KIF25: variants seen among roughly 807,000 people sequenced by gnomAD.
KIF25 encodes the protein kinesin-like protein KIF25.
In KIF25, 19 loss-of-function variants were observed where a neutral mutation model predicts 32.9. The ratio of observed to expected loss-of-function variants is 0.58; its 90% CI spans 0.40 to 0.85. KIF25 has a LOEUF of 0.85. Among genes scored for constraint, KIF25 ranks in the 40% least tolerant of loss-of-function variants. The pLI is 0.00. For missense variants in KIF25, 485 were observed against 507.0 expected, an observed-to-expected ratio of 0.96 and a Z score of 0.42; for synonymous variants, 225 against 213.7, an observed-to-expected ratio of 1.05 and a Z score of -0.46.
intron 5 of KIF25, among the ~76,000 whole-genome samples, chr6:168,018,288 A>G (rs1798743040): frequency 6.6e-6 from 1 of 152,226 alleles, no homozygotes; most frequent in Non-Finnish European, 1.5e-5. Flanking sequence ...TACAGTACTC[A>G]GTAAACTACG....
At chr6:168,042,771 G>T in intron 12 of KIF25, 55 bp downstream of exon 12, 2 of 1,560,520 alleles carry the variant, frequency 1.3e-6, no homozygotes, top group Non-Finnish European at 1.7e-6. Context: ...CCCAGGACAT[G>T]TGCACACACT....
At chr6:168,041,862 G>C in intron 10 of KIF25, 107 bp from the exon 11 acceptor site, 1 of 1,097,342 alleles carries the variant, frequency 9.1e-7, no homozygotes, top group South Asian at 1.5e-5. Context: ...GGGAGGTGTG[G>C]GCAGGAGGGT....
chr6:168,029,349 C>A, intron 5 of KIF25, 143 bp from the exon 6 acceptor site: 2 of 571,662 alleles, frequency 3.5e-6, no homozygotes, highest in Non-Finnish European at 5.8e-6. Flanking sequence ...ATTTCTAAAA[C>A]ACCAGCTGGA....
chr6:168,038,872 C>T, intron 9 of KIF25, 143 bp downstream of exon 9: 1 of 736,714 alleles, frequency 1.4e-6, no homozygotes, highest in Non-Finnish European at 2.2e-6. Flanking sequence ...GTGGCCCGAT[C>T]AGTGCTCCTT....
At chr6:168,009,509 C>G (rs1465942219) in intron 4 of KIF25, among the ~76,000 whole-genome samples, 1 of 152,166 alleles carries the variant, frequency 6.6e-6, no homozygotes, top group Non-Finnish European at 1.5e-5. Flanking sequence ...CTATGTTCAT[C>G]AGGAATGTTG....
intron 3 of KIF25, among the ~76,000 whole-genome samples, chr6:168,003,145 A>T (rs1374693238): frequency 6.6e-6 from 1 of 152,128 alleles, no homozygotes; most frequent in Non-Finnish European, 1.5e-5. Context: ...ACCGCTCTAA[A>T]CTGCGCATGA....
intron 8 of KIF25, among the ~76,000 whole-genome samples, chr6:168,036,907 C>G (rs1799032972): frequency 6.6e-6 from 1 of 152,086 alleles, no homozygotes; most frequent in African/African-American, 2.4e-5. Context: ...ACTAAAAATA[C>G]AAAAATTAGC....
intron 2 of KIF25, among the ~76,000 whole-genome samples, chr6:168,000,072 A>G (rs1447538769): frequency 1.1e-4 from 6 of 55,278 alleles, no homozygotes; most frequent in African/African-American, 1.5e-4. Context: ...ACCACACCTG[A>G]CCCTCCCACT....
At chr6:168,002,359 C>T (rs979949626) in intron 2 of KIF25, among the ~76,000 whole-genome samples, 184 bp from the exon 3 acceptor site, 4 of 152,116 alleles carry the variant, frequency 2.6e-5, no homozygotes, top group Admixed American at 2.6e-4. Context: ...GAGGCGTGGC[C>T]TTGGGCAGGT....
rs536285484 is a variant in KIF25, at chr6:168,037,873, G to A, written c.318-680G>A. On this transcript the variant is annotated intron_variant, in intron 8 of 12. Transcript: ENST00000643607. Reference sequence around the variant, plus strand: ...TGGGACTACAGGCATGCACCACCACGCCCAGCTAAGTTTTGTATTTTTGGT... The same window carrying A: ...TGGGACTACAGGCATGCACCACCACACCCAGCTAAGTTTTGTATTTTTGGT... 3.3e-5 allele frequency among the ~76,000 whole-genome samples: 5 copies of A among 152,136 alleles called. 1 individual carries two copies. Among genetic ancestry groups the A allele is most frequent in the East Asian group, 3.9e-4 (2 of 5,156 alleles).
chr6:168,041,204 T>A (rs1395077282), intron 10 of KIF25, among the ~76,000 whole-genome samples: 1 of 152,228 alleles, frequency 6.6e-6, no homozygotes. Context: ...TCCCCATCCT[T>A]CTTGCCACCG....
intron 4 of KIF25, among the ~76,000 whole-genome samples, chr6:168,004,845 A>G (rs982010332): frequency 6.6e-6 from 1 of 152,208 alleles, no homozygotes; most frequent in Non-Finnish European, 1.5e-5. Flanking sequence ...GAGGTGGTGC[A>G]GCAGGTGGGA....
chr6:168,034,552 C>A (rs1275586302), intron 8 of KIF25, among the ~76,000 whole-genome samples: 1 of 152,156 alleles, frequency 6.6e-6, no homozygotes, highest in African/African-American at 2.4e-5. Context: ...AGTCTCCCTG[C>A]CTGGCTAAGA....
intron 1 of KIF25, 71 bp downstream of exon 1, chr6:167,998,941 A>T (rs1280801947): frequency 6.6e-6 from 1 of 152,162 alleles, no homozygotes; most frequent in Non-Finnish European, 1.5e-5. Context: ...CATCCCAGCT[A>T]CTCTGGGGGC....
chr6:168,032,833 G>C (rs1403029508), intron 7 of KIF25, among the ~76,000 whole-genome samples: 3 of 152,178 alleles, frequency 2.0e-5, no homozygotes, highest in Non-Finnish European at 2.9e-5. Context: ...CTCGGACGGG[G>C]GGTCAGGGCC....
At chr6:168,010,990 T>C (rs1255174412) in intron 4 of KIF25, among the ~76,000 whole-genome samples, 2 of 150,470 alleles carry the variant, frequency 1.3e-5, no homozygotes, top group Non-Finnish European at 3.0e-5. Context: ...TTGCAGACTA[T>C]ACGTCTCTTT....
chr6:168,004,122 A>G (rs1798547189), intron 4 of KIF25, among the ~76,000 whole-genome samples: 1 of 152,220 alleles, frequency 6.6e-6, no homozygotes, highest in African/African-American at 2.4e-5. Flanking sequence ...AGAAGTCAGA[A>G]GGAGCAGCCC....
chr6:168,012,775 C>T (rs745429673), intron 4 of KIF25, among the ~76,000 whole-genome samples: 10 of 152,072 alleles, frequency 6.6e-5, no homozygotes, highest in Non-Finnish European at 5.9e-5. Context: ...GTCACAGCTG[C>T]GTGACTGCTT....
intron 4 of KIF25, among the ~76,000 whole-genome samples, chr6:168,011,952 G>C (rs1583128263): frequency 6.6e-6 from 1 of 152,080 alleles, no homozygotes; most frequent in African/African-American, 2.4e-5. Flanking sequence ...ATTTGGTCTA[G>C]TCTGTTGTTG....
Sources: allele counts gnomAD v4.1 joint callset (sites outside exome capture counted in the v4.1 genomes callset), GRCh38; gene constraint gnomAD v4.1.1; transcripts MANE v1.5; gene names NCBI Gene and HGNC (gene_info 2026-07-23, HGNC 2026-07-21).